Variants in TSHZ3 observed in about 807,000 individuals in gnomAD.
TSHZ3 encodes teashirt homolog 3.
Under a neutral mutation model 64.5 loss-of-function variants are expected in TSHZ3, and 10 were observed. The ratio of observed to expected loss-of-function variants is 0.16; its 90% CI spans 0.10 to 0.26. The LOEUF (loss-of-function observed/expected upper bound fraction) is 0.26, where lower values mean the gene tolerates loss of function less well. Ranked by LOEUF, TSHZ3 falls within the 10% of genes least tolerant of loss-of-function variation. The pLI is 1.00. For synonymous variants in TSHZ3, 608 were observed against 593.1 expected (o/e 1.03, Z -0.36); for missense variants, 1,242 against 1,421.7 (o/e 0.87, Z 2.03).
chr19:31,342,072 G>A (rs1917454295), intron 1 of TSHZ3, among the ~76,000 whole-genome samples: 1 of 152,126 alleles, frequency 6.6e-6, no homozygotes, highest in South Asian at 2.1e-4. Context: ...ACAATAAGGT[G>A]TTTACATTTT....
At chr19:31,273,350 G>A (rs530153121), downstream of TSHZ3, among the ~76,000 whole-genome samples, 2 of 152,268 alleles carry the variant, frequency 1.3e-5, no homozygotes, top group African/African-American at 4.8e-5. Flanking sequence ...TCAAACAAGC[G>A]AGAGAACCTG....
intron 4 of TSHZ3, among the ~76,000 whole-genome samples, chr19:31,216,098 G>A (rs983594103): frequency 1.3e-4 from 19 of 142,654 alleles, no homozygotes; most frequent in Non-Finnish European, 2.8e-4. Flanking sequence ...ATGTATATAT[G>A]TATACAAGAA....
intron 1 of TSHZ3, among the ~76,000 whole-genome samples, chr19:31,293,414 GC>G (rs1976609055): frequency 6.6e-6 from 1 of 152,092 alleles, no homozygotes; most frequent in Admixed American, 6.5e-5. Context: ...ATTGTCCACT[GC>G]CCCCTCCACA....
At chr19:31,237,725 T>C (rs535566856) in intron 3 of TSHZ3, among the ~76,000 whole-genome samples, 9 of 152,186 alleles carry the variant, frequency 5.9e-5, no homozygotes, top group Non-Finnish European at 1.3e-4. Context: ...CTAAAATAGA[T>C]ATTGCAAGCT....
chr19:31,220,042 C>G (rs1332344005), intron 4 of TSHZ3, among the ~76,000 whole-genome samples: 1 of 152,162 alleles, frequency 6.6e-6, no homozygotes, highest in African/African-American at 2.4e-5. Flanking sequence ...TACCCATTTA[C>G]CTTGTCAAGG....
At chr19:31,150,793 G>A (rs1479669343) in exon 7 of TSHZ3, among the ~76,000 whole-genome samples, 6 of 152,214 alleles carry the variant, frequency 3.9e-5, no homozygotes, top group East Asian at 3.9e-4. Flanking sequence ...CTGTACCACC[G>A]AAGTCCCCTT....
intron 4 of TSHZ3, among the ~76,000 whole-genome samples, chr19:31,214,928 A>G (rs1975307332): frequency 6.6e-6 from 1 of 151,250 alleles, no homozygotes; most frequent in Admixed American, 6.6e-5. Flanking sequence ...AAAAAAAAAA[A>G]AAAAGAACCG....
chr19:31,333,069 G>A (rs1354386065), intron 1 of TSHZ3, among the ~76,000 whole-genome samples: 5 of 151,702 alleles, frequency 3.3e-5, no homozygotes, highest in Non-Finnish European at 7.4e-5. Flanking sequence ...TCATGCCACT[G>A]CACTCCAGCC....
intron 1 of TSHZ3, among the ~76,000 whole-genome samples, chr19:31,318,949 A>G (rs4805677): frequency 6.6e-6 from 1 of 152,052 alleles, no homozygotes; most frequent in Non-Finnish European, 1.5e-5. Context: ...GGCTCCTCCC[A>G]TGGCCCAGAC....
intron 1 of TSHZ3, among the ~76,000 whole-genome samples, chr19:31,323,637 A>AGG: frequency 1.3e-5 from 2 of 152,114 alleles, no homozygotes; most frequent in African/African-American, 4.8e-5. Flanking sequence ...GAATACCCAG[A>AGG]TGATTTCACA....
intron 5 of TSHZ3, among the ~76,000 whole-genome samples, chr19:31,183,962 G>A (rs1019525207): frequency 3.3e-5 from 5 of 151,964 alleles, no homozygotes; most frequent in Non-Finnish European, 5.9e-5. Context: ...GTGTCTCCCC[G>A]GCATTCCTTA....
chr19:31,226,395 G>T (rs1372028973), intron 4 of TSHZ3, among the ~76,000 whole-genome samples: 2 of 152,118 alleles, frequency 1.3e-5, no homozygotes, highest in Non-Finnish European at 2.9e-5. Flanking sequence ...CACAAGATCT[G>T]ATTGTTTCAT....
chr19:31,207,113 A>C (rs1277767110), intron 4 of TSHZ3, among the ~76,000 whole-genome samples: 1 of 152,228 alleles, frequency 6.6e-6, no homozygotes, highest in Non-Finnish European at 1.5e-5. Context: ...AGAGACCATT[A>C]TTGCTGGTGT....
chr19:31,243,299 A>G (rs1251165387), intron 1 of TSHZ3, among the ~76,000 whole-genome samples: 1 of 152,148 alleles, frequency 6.6e-6, no homozygotes, highest in African/African-American at 2.4e-5. Flanking sequence ...TGACCTTGGC[A>G]CAATTCCATG....
At chr19:31,160,498 G>A (rs768712411) in intron 5 of TSHZ3, among the ~76,000 whole-genome samples, 1 of 152,154 alleles carries the variant, frequency 6.6e-6, no homozygotes, top group Non-Finnish European at 1.5e-5. Context: ...CTCCAAATGG[G>A]TATTTGAGTC....
chr19:31,332,619 A>G (rs1485999466), intron 1 of TSHZ3, among the ~76,000 whole-genome samples: 2 of 152,106 alleles, frequency 1.3e-5, no homozygotes, highest in Non-Finnish European at 2.9e-5. Flanking sequence ...TGGGGACTCC[A>G]GTTTAGGGGA....
intron 1 of TSHZ3, among the ~76,000 whole-genome samples, chr19:31,263,027 C>T (rs1976000525): frequency 6.6e-6 from 1 of 152,156 alleles, no homozygotes; most frequent in South Asian, 2.1e-4. Context: ...TTGTCCATTC[C>T]TCAGGACTAA....
chr19:31,154,241 G>A (rs541853910), intron 6 of TSHZ3, among the ~76,000 whole-genome samples: 1 of 152,294 alleles, frequency 6.6e-6, no homozygotes, highest in East Asian at 1.9e-4. Context: ...TGACAGAAAT[G>A]TTTATTGTTG....
chr19:31,249,547 C>T lies in TSHZ3; in HGVS notation n.64-6672G>A, dbSNP rs1975807355. On this transcript the variant is annotated intron_variant and non_coding_transcript_variant, in intron 1 of 6. Transcript: ENST00000651361. ...CACACACACACTCTCCAAAGGGAAG[C>T]TTAATATATAAAAAATATAGAATTC... 2.0e-5 allele frequency among the ~76,000 whole-genome samples: 3 copies of T among 152,128 alleles called. No homozygotes were observed. The South Asian group carries it at 6.2e-4, about 32-fold the overall frequency.
Sources: allele counts gnomAD v4.1 joint callset (sites outside exome capture counted in the v4.1 genomes callset), GRCh38; gene constraint gnomAD v4.1.1; transcripts MANE v1.5; gene names NCBI Gene and HGNC (gene_info 2026-07-23, HGNC 2026-07-21).